The following ZIM2 variants were observed in gnomAD, a reference collection of about 807,000 sequenced individuals.
The protein encoded by ZIM2 is zinc finger protein 656.
Under a neutral mutation model 38.6 loss-of-function variants are expected in ZIM2, and 14 were observed. The ratio of observed to expected loss-of-function variants is 0.36; its 90% CI spans 0.24 to 0.57. ZIM2 has a LOEUF of 0.57. Ranked by LOEUF, ZIM2 falls within the 20% of genes least tolerant of loss-of-function variation. The pLI, the probability that ZIM2 is intolerant of heterozygous loss-of-function variation, is 0.81. For missense variants in ZIM2, 680 were observed against 695.1 expected (o/e 0.98, Z 0.24); for synonymous variants, 247 against 245.8 (o/e 1.00, Z -0.04).
chr19:56,804,902 T>G (rs1313405200), intron 9 of ZIM2, among the ~76,000 whole-genome samples: 1 of 152,206 alleles, frequency 6.6e-6, no homozygotes, highest in African/African-American at 2.4e-5. Flanking sequence ...AACCCAAGAT[T>G]GACAGCTGTT....
At chr19:56,817,206 C>A (rs754892700) in intron 9 of ZIM2, 1 of 1,614,226 alleles carries the variant, frequency 6.2e-7, no homozygotes, top group Non-Finnish European at 8.5e-7. Flanking sequence ...AGGGCTTCTT[C>A]CTGGGACAGC....
Position 56,822,970 on chromosome 19 carries a change from C to A in ZIM2, c.107-134G>T. ...GGAGATGGATCCAAAACAGAGAGCT[C>A]CAGGTTCCCAGGCTCATCTGGCCCC... On this transcript the variant is annotated intron_variant, in intron 5 of 12. Coordinates refer to ENST00000629319, the MANE Select transcript of ZIM2 (RefSeq NM_001387356.1). 2 of 1,178,288 alleles carry A rather than the reference C, an allele frequency of 1.7e-6. 1 individual carries two copies. Among genetic ancestry groups the A allele is most frequent in the Non-Finnish European group, 2.4e-6 (2 of 835,492 alleles). The allele number at this position is 1,178,288 out of a possible 1,614,324, so 73.0% of individuals were successfully genotyped here.
intron 12 of ZIM2, among the ~76,000 whole-genome samples, chr19:56,776,086 G>A (rs1262470066): frequency 2.3e-5 from 3 of 129,426 alleles, no homozygotes; most frequent in Admixed American, 1.8e-4. Flanking sequence ...GGATGACAGA[G>A]TGAGACTCTG....
intron 10 of ZIM2, among the ~76,000 whole-genome samples, chr19:56,785,577 A>G (rs911866554): frequency 6.6e-6 from 1 of 152,208 alleles, no homozygotes; most frequent in Admixed American, 6.5e-5. Flanking sequence ...TCATGTCCCT[A>G]TAAGAGCTGC....
intron 2 of ZIM2, among the ~76,000 whole-genome samples, chr19:56,831,223 A>G (rs999133341): frequency 2.6e-5 from 4 of 152,256 alleles, no homozygotes; most frequent in Non-Finnish European, 5.9e-5. Context: ...GCACTAGGAC[A>G]AATATACCAC....
intron 9 of ZIM2, 61 bp downstream of exon 9, chr19:56,817,685 A>C: frequency 6.4e-7 from 1 of 1,552,206 alleles, no homozygotes; most frequent in Admixed American, 1.7e-5. Context: ...AAAGTGTAGA[A>C]GTTCCTTGAT....
intron 1 of ZIM2, among the ~76,000 whole-genome samples, chr19:56,839,018 G>A (rs1255120083): frequency 3.3e-5 from 5 of 151,200 alleles, no homozygotes; most frequent in African/African-American, 1.2e-4. Flanking sequence ...CAACGCCTGC[G>A]CGGCAAACCT....
At chr19:56,779,949 C>T (rs192441538) in intron 11 of ZIM2, among the ~76,000 whole-genome samples, 23 of 152,322 alleles carry the variant, frequency 1.5e-4, no homozygotes, top group Non-Finnish European at 2.6e-4. Flanking sequence ...CTGCTCCTCC[C>T]CCTCCCTTAG....
chr19:56,788,397 A>G (rs2145903595), intron 10 of ZIM2, among the ~76,000 whole-genome samples: 1 of 152,278 alleles, frequency 6.6e-6, no homozygotes, highest in Admixed American at 6.5e-5. Context: ...TTCAGTTTCC[A>G]TATAATCGTG....
rs200424391 is a variant in ZIM2 at position 56,815,654 on chromosome 19, G to A, written c.490+2092C>T. 1.5e-5 allele frequency: 25 copies of A among 1,614,046 alleles called. No individual in the cohort carries two copies. Among genetic ancestry groups the A allele is most frequent in the African/African-American group, 1.2e-4 (9 of 74,996 alleles). On this transcript the variant is annotated intron_variant, in intron 9 of 12. Coordinates refer to ENST00000629319, the MANE Select transcript of ZIM2 (RefSeq NM_001387356.1). ...TTAGCACGAGCCTTCTGGTATTCACGGACATTTGAGCTGGGAACAGAGAAT... is the reference window on the plus strand; with the variant it reads ...TTAGCACGAGCCTTCTGGTATTCACAGACATTTGAGCTGGGAACAGAGAAT...
rs149202084 is a variant in ZIM2, at chr19:56,815,002, G to T, written c.490+2744C>A. 7 of 1,614,044 alleles carry T rather than the reference G, an allele frequency of 4.3e-6. No homozygotes were observed. The African/African-American group carries it at 8.0e-5, about 18-fold the overall frequency. ...TCTCTGATACTCGCTGATGGAATGG[G>T]TGTGAATTACAGAATGTGTGTACTC... On this transcript the variant is annotated intron_variant, in intron 9 of 12. Coordinates refer to ENST00000629319, the MANE Select transcript of ZIM2 (RefSeq NM_001387356.1).
intron 9 of ZIM2, among the ~76,000 whole-genome samples, chr19:56,802,292 A>G (rs546838588): frequency 7.0e-4 from 107 of 152,310 alleles, no homozygotes; most frequent in Non-Finnish European, 1.4e-3. Flanking sequence ...AATACCCTCA[A>G]GGATAAAATT....
chr19:56,828,026 T>A (rs2061223367), intron 2 of ZIM2, among the ~76,000 whole-genome samples: 12 of 152,194 alleles, frequency 7.9e-5, no homozygotes. Flanking sequence ...ACCATGAGCA[T>A]GTATTACCTA....
chr19:56,813,199 T>C (rs1600867960), intron 9 of ZIM2: 1 of 919,696 alleles, frequency 1.1e-6, no homozygotes, highest in Non-Finnish European at 1.3e-6. Flanking sequence ...CTCTTCCTCC[T>C]CCAAAAAAAA....
intron 9 of ZIM2, among the ~76,000 whole-genome samples, chr19:56,807,371 G>A (rs754759995): frequency 2.6e-5 from 4 of 152,182 alleles, no homozygotes; most frequent in Admixed American, 6.5e-5. Context: ...TTTTGAGAAA[G>A]TGAGTTCCCA....
chr19:56,789,825 T>C (rs768628187), intron 10 of ZIM2, 47 bp downstream of exon 10: 102 of 1,444,052 alleles, frequency 7.1e-5, no homozygotes, highest in Non-Finnish European at 8.7e-5. Context: ...ATTAGGAAGA[T>C]AAGATCCCCA....
chr19:56,815,835 A>T lies in ZIM2; in HGVS notation c.490+1911T>A, dbSNP rs2059929255. 2 of 1,613,758 alleles carry T rather than the reference A, an allele frequency of 1.2e-6. No homozygotes were observed. The highest frequency in any genetic ancestry group is 8.5e-7 in the Non-Finnish European group (1 of 1,179,762). On this transcript the variant is annotated intron_variant, in intron 9 of 12. Coordinates refer to ENST00000629319, the MANE Select transcript of ZIM2 (RefSeq NM_001387356.1). ...TGGCAGGAATCTTCTGTCGCTTATC[A>T]TTAAGGTCTGAGATATAAATGGAGG...
In ZIM2 at chr19:56,775,245, G is replaced by A. The variant is rs200679948; in HGVS notation, c.1120C>T (p.Leu374Phe). ...CKRTFSTQVA[L>F]RRHERIHTGK... is the part of the protein sequence containing the mutation. ...GTATGGATCCGTTCGTGTCTCCTAA[G>A]GGCTACTTGCGTACTAAAGGTTCGT... Residue 374 changes from leucine (L) to phenylalanine (F), a missense_variant, in exon 13 of 13, where the codon CTT (leucine) becomes TTT (phenylalanine). Leu to Phe is a conservative substitution (Grantham distance 22). Transcript: ENST00000629319. The A allele has an allele frequency of 2.5e-6, 4 of 1,613,978 alleles. No individual in the cohort carries two copies. Among genetic ancestry groups the A allele is most frequent in the Non-Finnish European group, 3.4e-6 (4 of 1,180,040 alleles).
intron 2 of ZIM2, among the ~76,000 whole-genome samples, chr19:56,835,665 A>T (rs1230105872): frequency 2.6e-5 from 4 of 152,208 alleles, no homozygotes; most frequent in Non-Finnish European, 5.9e-5. Context: ...CCTTTCCCCC[A>T]TTGGGGCTAT....
Sources: allele counts gnomAD v4.1 joint callset (sites outside exome capture counted in the v4.1 genomes callset), GRCh38; gene constraint gnomAD v4.1.1; transcripts MANE v1.5; gene names NCBI Gene and HGNC (gene_info 2026-07-23, HGNC 2026-07-21).